The following FAM222B variants were observed in gnomAD, a reference collection of about 807,000 sequenced individuals.
The protein encoded by FAM222B is family with sequence similarity 222 member B.
In FAM222B, 12 loss-of-function variants were observed where a neutral mutation model predicts 38.0. The observed-to-expected ratio is 0.32, with a 90% CI of 0.20 to 0.51. FAM222B has a LOEUF of 0.51. FAM222B is among the 20% of genes least tolerant of loss of function. The pLI, the probability that FAM222B is intolerant of heterozygous loss-of-function variation, is 0.97. For missense variants in FAM222B, 716 were observed against 754.2 expected (o/e 0.95, Z 0.59); for synonymous variants, 329 against 317.2 (o/e 1.04, Z -0.40).
intron 1 of FAM222B, among the ~76,000 whole-genome samples, chr17:28,815,942 G>A (rs1303647390): frequency 6.6e-6 from 1 of 151,258 alleles, no homozygotes; most frequent in Non-Finnish European, 1.5e-5. Flanking sequence ...ACTCCAGCCT[G>A]GGCAACAGAG....
intron 1 of FAM222B, among the ~76,000 whole-genome samples, chr17:28,812,809 C>A (rs901309742): frequency 3.6e-4 from 55 of 151,514 alleles, no homozygotes; most frequent in Non-Finnish European, 7.5e-4. Flanking sequence ...CCCCCACCCA[C>A]GCGATACCTC....
intron 1 of FAM222B, among the ~76,000 whole-genome samples, chr17:28,780,347 A>G (rs1379422788): frequency 6.6e-6 from 1 of 152,206 alleles, no homozygotes; most frequent in African/African-American, 2.4e-5. Context: ...TCTGCAGATG[A>G]CATGATCTTA....
chr17:28,851,085 C>T (rs2152638273), intron 1 of FAM222B, among the ~76,000 whole-genome samples: 1 of 152,138 alleles, frequency 6.6e-6, no homozygotes, highest in Non-Finnish European at 1.5e-5. Context: ...CACCGCTGCA[C>T]TCCAGCCTGG....
At chr17:28,837,026 G>A (rs971532810) in intron 1 of FAM222B, among the ~76,000 whole-genome samples, 5 of 152,136 alleles carry the variant, frequency 3.3e-5, no homozygotes, top group Admixed American at 6.6e-5. Flanking sequence ...GATAAGGCAG[G>A]AGAAGCTTGA....
intron 1 of FAM222B, among the ~76,000 whole-genome samples, chr17:28,833,643 GA>G (rs975966033): frequency 2.6e-4 from 36 of 140,378 alleles, no homozygotes; most frequent in African/African-American, 6.8e-4. Flanking sequence ...GAAGTTCACA[GA>G]AAAAAAAAAT....
intron 1 of FAM222B, among the ~76,000 whole-genome samples, chr17:28,814,622 AC>A (rs1319239900): frequency 3.3e-5 from 5 of 152,070 alleles, no homozygotes; most frequent in African/African-American, 1.2e-4. Context: ...GCACACCACC[AC>A]GCCTGGCTAA....
At chr17:28,847,178 G>C (rs2039150816), upstream of FAM222B, among the ~76,000 whole-genome samples, 1 of 151,270 alleles carries the variant, frequency 6.6e-6, no homozygotes. Context: ...AGCCGAGATA[G>C]TGCCATTGCA....
chr17:28,814,639 G>T (rs2037942532), intron 1 of FAM222B, among the ~76,000 whole-genome samples: 1 of 151,878 alleles, frequency 6.6e-6, no homozygotes, highest in South Asian at 2.1e-4. Context: ...GCTAACTTTT[G>T]TATTTTTACT....
intron 1 of FAM222B, among the ~76,000 whole-genome samples, chr17:28,838,069 C>A (rs905603962): frequency 3.2e-4 from 48 of 151,568 alleles, no homozygotes; most frequent in Non-Finnish European, 8.8e-5. Flanking sequence ...AGTTCGAGAC[C>A]AGACTGGCCA....
intron 1 of FAM222B, among the ~76,000 whole-genome samples, chr17:28,851,008 A>C (rs2039177104): frequency 6.6e-6 from 1 of 151,758 alleles, no homozygotes; most frequent in South Asian, 2.1e-4. Context: ...AATCCCACCT[A>C]CTCAGGAGGC....
At chr17:28,822,801 T>TTGGGGG (rs1271976137) in intron 1 of FAM222B, among the ~76,000 whole-genome samples, 7 of 3,844 alleles carry the variant, frequency 1.8e-3, no homozygotes, top group Non-Finnish European at 2.5e-3. Flanking sequence ...AGACTCCATC[T>TTGGGGG]CAAAAAAAAA....
intron 2 of FAM222B, among the ~76,000 whole-genome samples, chr17:28,764,839 A>C (rs2035255280): frequency 1.3e-5 from 2 of 152,204 alleles, no homozygotes; most frequent in Non-Finnish European, 2.9e-5. Flanking sequence ...TTTTCCCTTG[A>C]TATCACATCT....
chr17:28,807,641 C>T (rs552118642), intron 1 of FAM222B, among the ~76,000 whole-genome samples: 2 of 152,214 alleles, frequency 1.3e-5, no homozygotes, highest in African/African-American at 4.8e-5. Context: ...CCGCCTCAGC[C>T]TCCTGAAGTG....
At position 28,828,853 on chromosome 17, in the gene FAM222B, T is replaced by C. The variant is rs541611788; in HGVS notation, c.-41+13829A>G. 1.5e-4 allele frequency among the ~76,000 whole-genome samples: 23 copies of C among 152,046 alleles called. No homozygotes were observed. In the South Asian group the frequency reaches 4.8e-3, roughly 32 times the overall value. Reference sequence around the variant, plus strand: ...CTACAATCAAAATACGGAACAGTCATGTCACCCCCAAAAAATTTCCTCATA... The same window carrying C: ...CTACAATCAAAATACGGAACAGTCACGTCACCCCCAAAAAATTTCCTCATA... On this transcript the variant is annotated intron_variant, in intron 1 of 2. Coordinates refer to ENST00000581407, the MANE Select transcript of FAM222B (RefSeq NM_001077498.3).
In FAM222B at chr17:28,758,457, C is replaced by A. The variant is rs777468977; in HGVS notation, c.1502G>T (p.Gly501Val). ...GCTGTTCTGGCTTGCCACTGGACCGCCCCCGGTCCCTGCTCGGTAGTGGGC... is the reference window on the plus strand; with the variant it reads ...GCTGTTCTGGCTTGCCACTGGACCGACCCCGGTCCCTGCTCGGTAGTGGGC... ...PGAHYRAGTGGGPVASQNSLM... is the reference protein window; with the variant it reads ...PGAHYRAGTGVGPVASQNSLM... The change falls in exon 3 of 3, where the codon GGC becomes GTC. Residue 501 changes from glycine (G) to valine (V), a missense_variant. Gly to Val is a moderately radical substitution (Grantham distance 109). Coordinates refer to ENST00000581407, the MANE Select transcript of FAM222B (RefSeq NM_001077498.3). 9.9e-6 allele frequency: 16 copies of A among 1,613,448 alleles called. No individual in the cohort carries two copies. The Middle Eastern group carries it at 4.9e-4, about 50-fold the overall frequency.
chr17:28,792,942 GGGTCTCACTCTGTT>G (rs1488474666), intron 1 of FAM222B, among the ~76,000 whole-genome samples: 1 of 151,028 alleles, frequency 6.6e-6, no homozygotes, highest in East Asian at 1.9e-4. Flanking sequence ...TTTTAAGATA[GGGTCTCACTCTGTT>G]GTCCAGGCTT....
At position 28,805,118 on chromosome 17, in the gene FAM222B, GAGGC is replaced by G. The variant is rs1282012621; in HGVS notation, c.-41+37560_-41+37563del. Among the ~76,000 whole-genome samples, 6 of 152,160 alleles carry G rather than the reference GAGGC, an allele frequency of 3.9e-5. No homozygotes were observed. The East Asian group carries it at 7.7e-4, about 20-fold the overall frequency. ...TCATGGTTCTAATCCCAGCACTTGG[GAGGC>G]CAAGGTGGGAGGATCATTGGAGCCC... On this transcript the variant is annotated intron_variant, in intron 1 of 2. Transcript: ENST00000581407.
chr17:28,778,697 G>GTATATA (rs1204895077), intron 1 of FAM222B, among the ~76,000 whole-genome samples: 8 of 45,346 alleles, frequency 1.8e-4, no homozygotes, highest in African/African-American at 4.0e-4. Context: ...GTGTGTGTGT[G>GTATATA]TATATATATA....
upstream of FAM222B, among the ~76,000 whole-genome samples, chr17:28,844,584 G>A (rs1201446442): frequency 6.6e-6 from 1 of 152,102 alleles, no homozygotes; most frequent in Admixed American, 6.5e-5. Context: ...CGTGAACCCG[G>A]GAGGCGGAGC....
Sources: allele counts gnomAD v4.1 joint callset (sites outside exome capture counted in the v4.1 genomes callset), GRCh38; gene constraint gnomAD v4.1.1; transcripts MANE v1.5; gene names NCBI Gene and HGNC (gene_info 2026-07-23, HGNC 2026-07-21).